PROM2: variants seen among roughly 807,000 people sequenced by gnomAD.
PROM2 encodes the protein prominin 2, also known as prominin-2.
PROM2 carries 90 observed loss-of-function variants against 110.2 expected under a neutral mutation model. The observed-to-expected ratio is 0.82, with a 90% CI of 0.69 to 0.97. The LOEUF is 0.97. PROM2 is among the 50% of genes least tolerant of loss of function. The pLI is 0.00. For synonymous variants in PROM2, 470 were observed against 467.8 expected, an observed-to-expected ratio of 1.00 and a Z score of -0.06; for missense variants, 1,009 against 1,074.8, an observed-to-expected ratio of 0.94 and a Z score of 0.86.
chr2:95,277,095 C>A, intron 6 of PROM2, 34 bp downstream of exon 6: 1 of 1,528,474 alleles, frequency 6.5e-7, no homozygotes, highest in Non-Finnish European at 8.8e-7. Context: ...TAGTGTGGAG[C>A]CCAGCGGGTG....
rs751311140 is a variant in PROM2 at position 95,275,413 on chromosome 2, G to C, written c.245-48G>C. On this transcript the variant is annotated intron_variant, in intron 1 of 23. Transcript: ENST00000317620. The surrounding 1 kb of genome is among the most constrained non-coding windows in gnomAD (Gnocchi z 4.4). The stretch of plus-strand genomic sequence containing the variant: ...CAGTGGGGAGAGGAGGGACACAGGG[G>C]CAGGGCAGTGGCTGTCCCCAAATCC... The C allele has an allele frequency of 2.0e-5, 32 of 1,562,312 alleles. No homozygotes were observed. The highest frequency in any genetic ancestry group is 2.8e-5 in the Non-Finnish European group (32 of 1,145,108).
chr2:95,284,625 T>C (rs1186532243), intron 14 of PROM2, among the ~76,000 whole-genome samples: 8 of 152,156 alleles, frequency 5.3e-5, no homozygotes, highest in Non-Finnish European at 8.8e-5. Flanking sequence ...CTTCCACTCA[T>C]GGCCGAAGGC....
At chr2:95,288,117 G>A in intron 20 of PROM2, 94 bp from the exon 21 acceptor site, 1 of 1,269,164 alleles carries the variant, frequency 7.9e-7, no homozygotes, top group Admixed American at 1.7e-5. Context: ...AGGCCTTTCT[G>A]TGTCCCTGTC....
rs1676840584 is a variant in PROM2, at chr2:95,278,879, G to T, written c.1114+95G>T. The T allele has an allele frequency of 1.2e-5, 20 of 1,606,296 alleles. No individual in the cohort carries two copies. The Middle Eastern group carries it at 9.9e-4, about 80-fold the overall frequency. ...TTGAGAGAGGACTGGGGTGGCGGGG[G>T]ACTGTCTTCCCTCTGTGGTTCCCAG... On this transcript the variant is annotated intron_variant, in intron 9 of 23. Coordinates refer to ENST00000317620, the MANE Select transcript of PROM2 (RefSeq NM_001165978.3).
At chr2:95,277,781 G>A in intron 7 of PROM2, 149 bp from the exon 8 acceptor site, 1 of 796,142 alleles carries the variant, frequency 1.3e-6, no homozygotes, top group Non-Finnish European at 2.0e-6. Flanking sequence ...AGTTCTTGCT[G>A]CCACCAGGGG....
chr2:95,285,165 C>T (rs756022891), intron 15 of PROM2, 50 bp downstream of exon 15: 101 of 1,489,168 alleles, frequency 6.8e-5, no homozygotes, highest in Middle Eastern at 4.8e-4. Context: ...GGTGATGGAA[C>T]GAAGGGGCCC....
chr2:95,281,880 G>A, intron 12 of PROM2, 45 bp from the exon 13 acceptor site: 2 of 1,396,494 alleles, frequency 1.4e-6, no homozygotes, highest in Non-Finnish European at 2.0e-6. Flanking sequence ...GGGTGGCCTT[G>A]CCCCCACCCC....
In PROM2 at chr2:95,274,764, T is replaced by C. The variant is rs1676545504; in HGVS notation, c.179T>C (p.Leu60Pro). 1.9e-6 allele frequency: 3 copies of C among 1,611,292 alleles called. No individual in the cohort carries two copies. The South Asian group carries it at 3.3e-5, about 18-fold the overall frequency. Residue 60 changes from leucine to proline, a missense_variant, in exon 1 of 24, where the codon CTG becomes CCG. Coordinates refer to ENST00000317620, the MANE Select transcript of PROM2 (RefSeq NM_001165978.3). ...LAPRVRAPGLLDSLYGTVRRF... is the reference protein window; with the variant it reads ...LAPRVRAPGLPDSLYGTVRRF... ...CCTCGAGTTCGTGCGCCAGGACTCCTGGACTCCCTCTATGGCACCGTGCGC... is the reference window on the plus strand; with the variant it reads ...CCTCGAGTTCGTGCGCCAGGACTCCCGGACTCCCTCTATGGCACCGTGCGC...
Position 95,276,774 on chromosome 2 carries a change from G to A in PROM2, c.682+117G>A. ...ACACCCCCGGGAACAGGCTGGTAGA[G>A]GTGGGGATCAGGCCGGCTGGAGAGC... is the stretch of plus-strand genomic sequence containing the variant. On this transcript the variant is annotated intron_variant, in intron 5 of 23. Coordinates refer to ENST00000317620, the MANE Select transcript of PROM2 (RefSeq NM_001165978.3). The surrounding 1 kb of genome is among the most constrained non-coding windows in gnomAD (Gnocchi z 4.6). The A allele has an allele frequency of 7.9e-7, 1 of 1,271,784 alleles. No individual in the cohort carries two copies. The highest frequency in any genetic ancestry group is 1.1e-6 in the Non-Finnish European group (1 of 892,604). The allele number at this position is 1,271,784 out of a possible 1,614,324, so 78.8% of individuals were successfully genotyped here.
intron 10 of PROM2, among the ~76,000 whole-genome samples, 163 bp downstream of exon 10, chr2:95,279,307 T>C (rs1158423249): frequency 6.6e-6 from 1 of 151,704 alleles, no homozygotes; most frequent in African/African-American, 2.4e-5. Flanking sequence ...TTTCATTTTT[T>C]TTTTTTTTGA....
Position 95,276,715 on chromosome 2 carries a change from G to C in PROM2, c.682+58G>C. The C allele has an allele frequency of 6.4e-7, 1 of 1,574,134 alleles. No individual in the cohort carries two copies. Among genetic ancestry groups the C allele is most frequent in the Non-Finnish European group, 8.7e-7 (1 of 1,146,862 alleles). Reference sequence around the variant, plus strand: ...CTCCTTCCAGGGCCCCTGCTCGGGTGCCTCGGTGGGGGCCTCTCACTCCCT... The same window carrying C: ...CTCCTTCCAGGGCCCCTGCTCGGGTCCCTCGGTGGGGGCCTCTCACTCCCT... On this transcript the variant is annotated intron_variant, in intron 5 of 23. Coordinates refer to ENST00000317620, the MANE Select transcript of PROM2 (RefSeq NM_001165978.3). The surrounding 1 kb of genome is among the most constrained non-coding windows in gnomAD (Gnocchi z 4.6).
At chr2:95,284,656 C>T (rs572605924) in intron 14 of PROM2, among the ~76,000 whole-genome samples, 90 of 152,294 alleles carry the variant, frequency 5.9e-4, no homozygotes, top group Non-Finnish European at 7.4e-4. Flanking sequence ...CAGCACATCA[C>T]ATAGGGAGAG....
In PROM2 at chr2:95,285,619, C is replaced by T; in HGVS notation, c.1876-20C>T. 6.3e-7 allele frequency: 1 copy of T among 1,576,580 alleles called. No homozygotes were observed. The highest frequency in any genetic ancestry group is 8.6e-7 in the Non-Finnish European group (1 of 1,159,756). On this transcript the variant is annotated intron_variant, in intron 15 of 23. Transcript: ENST00000317620. ...GGGGAGCTGGGTTCATCCCTCCTGGCCTCTTCTGTCCACCTGCAGATCCAG... is the reference window on the plus strand; with the variant it reads ...GGGGAGCTGGGTTCATCCCTCCTGGTCTCTTCTGTCCACCTGCAGATCCAG...
At chr2:95,279,331 T>C (rs1441374261) in intron 10 of PROM2, among the ~76,000 whole-genome samples, 187 bp downstream of exon 10, 1 of 151,544 alleles carries the variant, frequency 6.6e-6, no homozygotes, top group Non-Finnish European at 1.5e-5. Context: ...GGTGTCTTGC[T>C]CTGTCACCAG....
intron 19 of PROM2, 82 bp from the exon 20 acceptor site, chr2:95,287,314 G>T: frequency 7.2e-7 from 1 of 1,386,752 alleles, no homozygotes. Context: ...TCCTCAAGTT[G>T]CCAGGCATGG....
At chr2:95,282,923 C>T (rs1390213936) in intron 14 of PROM2, among the ~76,000 whole-genome samples, 4 of 152,184 alleles carry the variant, frequency 2.6e-5, no homozygotes, top group African/African-American at 7.2e-5. Flanking sequence ...TGGTTCCCCT[C>T]GCCCTCCCCA....
Position 95,290,191 on chromosome 2 carries a change from C to T in PROM2, c.*978C>T, listed in dbSNP as rs532974030. 1.5e-4 allele frequency: 23 copies of T among 152,282 alleles called. No individual in the cohort carries two copies. Among genetic ancestry groups the T allele is most frequent in the African/African-American group, 3.6e-4 (15 of 41,434 alleles). The allele number at this position is 152,282 out of a possible 1,614,324, so 9.4% of individuals were successfully genotyped here. A position where few individuals can be genotyped will look rare whatever the true frequency, so the allele number is the denominator to read the frequency against. On this transcript the variant is annotated 3_prime_UTR_variant, in exon 24 of 24. Coordinates refer to ENST00000317620, the MANE Select transcript of PROM2 (RefSeq NM_001165978.3). ...GGCCCCTTTTATCCTGCGCATGTGG[C>T]CTAGGGTCATCCCCAGCCCATCCCT...
rs552167428 is a variant in PROM2 at position 95,286,908 on chromosome 2, G to A, written c.2094+51G>A. 5.4e-5 allele frequency: 86 copies of A among 1,586,092 alleles called. 1 individual carries two copies. The highest frequency in any genetic ancestry group is 3.8e-4 in the African/African-American group (28 of 74,430). On this transcript the variant is annotated intron_variant, in intron 18 of 23. Transcript: ENST00000317620. ...GGTGGAGCACAGGGGCTGCAGAGGCGGGGAGGAAGTAGGAGCCCATCTCAC... is the reference window on the plus strand; with the variant it reads ...GGTGGAGCACAGGGGCTGCAGAGGCAGGGAGGAAGTAGGAGCCCATCTCAC...
chr2:95,286,070 G>C (rs1677340858), intron 16 of PROM2, among the ~76,000 whole-genome samples: 1 of 152,262 alleles, frequency 6.6e-6, no homozygotes, highest in South Asian at 2.1e-4. Context: ...GACAGGTGCT[G>C]TGAGGACATT....
Sources: allele counts gnomAD v4.1 joint callset (sites outside exome capture counted in the v4.1 genomes callset), GRCh38; gene constraint gnomAD v4.1.1; non-coding constraint Gnocchi (gnomAD v3.1); transcripts MANE v1.5; gene names NCBI Gene and HGNC (gene_info 2026-07-23, HGNC 2026-07-21).